WARS1: variants seen among roughly 807,000 people sequenced by gnomAD.
WARS1 encodes the protein tryptophan--tRNA ligase, cytoplasmic.
A neutral mutation model predicts 47.8 loss-of-function variants in WARS1; 17 were observed. The ratio of observed to expected loss-of-function variants is 0.36; its 90% CI spans 0.24 to 0.53. WARS1 has a LOEUF of 0.53. Ranked by LOEUF, WARS1 falls within the 20% of genes least tolerant of loss-of-function variation. WARS1 has a pLI of 0.91. For synonymous variants in WARS1, 208 were observed against 228.1 expected (o/e 0.91, Z 0.79); for missense variants, 434 against 608.0 (o/e 0.71, Z 3.01).
chr14:100,353,922 CG>C, intron 5 of WARS1, 53 bp from the exon 6 acceptor site: 1 of 1,521,430 alleles, frequency 6.6e-7, no homozygotes, highest in South Asian at 1.2e-5. Context: ...TGTGGAGGAA[CG>C]CCATCGTGCA....
chr14:100,368,987 C>T, intron 2 of WARS1, 100 bp downstream of exon 2: 2 of 798,462 alleles, frequency 2.5e-6, no homozygotes, highest in Non-Finnish European at 3.5e-6. Context: ...ATAACCAAAA[C>T]ACCTCAGTCA....
chr14:100,363,967 A>AT (rs1438084322), intron 2 of WARS1, among the ~76,000 whole-genome samples: 2 of 152,122 alleles, frequency 1.3e-5, no homozygotes, highest in African/African-American at 4.8e-5. Context: ...ACAAGACTGT[A>AT]TTACATACAG....
intron 2 of WARS1, chr14:100,366,062 T>A (rs1258323229): frequency 3.9e-5 from 18 of 456,036 alleles, no homozygotes; most frequent in Admixed American, 2.6e-4. Flanking sequence ...AGTGTCACAG[T>A]TTCCCCTCCA....
chr14:100,375,348 G>C (rs1318611864), upstream of WARS1: 1 of 152,190 alleles, frequency 6.6e-6, no homozygotes, highest in Non-Finnish European at 1.5e-5. Flanking sequence ...TGCTGAGAGT[G>C]CCCTGCCCAG....
At chr14:100,365,124 TACACACACAC>T (rs59205319) in intron 2 of WARS1, among the ~76,000 whole-genome samples, 85 of 137,838 alleles carry the variant, frequency 6.2e-4, no homozygotes, top group African/African-American at 2.0e-3. Flanking sequence ...TCTCAAAAAA[TACACACACAC>T]ACACACACAC....
intron 2 of WARS1, chr14:100,366,159 G>A (rs1293300421): frequency 2.2e-6 from 1 of 453,280 alleles, no homozygotes; most frequent in African/African-American, 2.0e-5. Context: ...GCAGCACACA[G>A]AGAATAGGGA....
intron 4 of WARS1, among the ~76,000 whole-genome samples, chr14:100,357,708 G>A (rs984680872): frequency 2.6e-5 from 4 of 152,098 alleles, no homozygotes; most frequent in Admixed American, 1.3e-4. Flanking sequence ...TGATCCACCC[G>A]CCTCGGCCTC....
intron 4 of WARS1, among the ~76,000 whole-genome samples, chr14:100,358,195 C>T (rs1027044228): frequency 9.5e-4 from 144 of 152,174 alleles, no homozygotes; most frequent in Non-Finnish European, 1.7e-3. Flanking sequence ...TGCAGTGGCG[C>T]GATCTCGGCT....
chr14:100,369,780 C>T (rs1346905109), intron 1 of WARS1, among the ~76,000 whole-genome samples: 2 of 151,500 alleles, frequency 1.3e-5, no homozygotes, highest in Non-Finnish European at 2.9e-5. Context: ...GGGGTTCAAG[C>T]GATTCTTCTG....
chr14:100,372,541 G>C (rs1270531421), intron 1 of WARS1, among the ~76,000 whole-genome samples: 1 of 152,134 alleles, frequency 6.6e-6, no homozygotes, highest in Non-Finnish European at 1.5e-5. Flanking sequence ...CCTCTGCCTA[G>C]GGCTAGAGAG....
In WARS1 at chr14:100,342,391, T is replaced by G. The variant is rs1044051779; in HGVS notation, c.1113+7A>C. 4 of 1,613,528 alleles carry G rather than the reference T, an allele frequency of 2.5e-6. No homozygotes were observed. In the African/African-American group the frequency reaches 5.3e-5, roughly 22 times the overall value. On this transcript the variant is annotated splice_region_variant and intron_variant, in intron 9 of 10. Transcript: ENST00000392882. ...GCTGGCTGCCCTCTGCCTGGGCCAC[T>G]GCTCACCTTGGTTTTGATCTGCTTG...
Position 100,353,898 on chromosome 14 carries a change from C to T in WARS1, c.543-29G>A, listed in dbSNP as rs759183804. On this transcript the variant is annotated intron_variant, in intron 5 of 10. Coordinates refer to ENST00000392882, the MANE Select transcript of WARS1 (RefSeq NM_004184.4). Reference sequence around the variant, plus strand: ...AAGAAACACAGGGGGAGAAAGCTGACGTCTCATCTCCCCTGTGGAGGAACG... The same window carrying T: ...AAGAAACACAGGGGGAGAAAGCTGATGTCTCATCTCCCCTGTGGAGGAACG... 28 of 1,603,410 alleles carry T rather than the reference C, an allele frequency of 1.7e-5. 1 individual carries two copies. Among genetic ancestry groups the T allele is most frequent in the South Asian group, 1.5e-4 (14 of 90,478 alleles).
intron 9 of WARS1, among the ~76,000 whole-genome samples, chr14:100,339,120 CACAT>C (rs755457468): frequency 0.013 from 479 of 36,052 alleles, 4 homozygotes; most frequent in African/African-American, 0.021. Flanking sequence ...CACACACACA[CACAT>C]ACACACACAC....
chr14:100,337,295 T>A, intron 9 of WARS1, 93 bp from the exon 10 acceptor site: 9 of 1,552,404 alleles, frequency 5.8e-6, no homozygotes, highest in Non-Finnish European at 7.9e-6. Context: ...GTCAGAGGTG[T>A]GAGTGCTGTC....
At chr14:100,345,777 A>G (rs1433929916) in intron 7 of WARS1, among the ~76,000 whole-genome samples, 1 of 152,208 alleles carries the variant, frequency 6.6e-6, no homozygotes. Context: ...ATTTGCTTAG[A>G]CCTGCAGAAG....
At chr14:100,336,060 G>C (rs889766094) in intron 10 of WARS1, among the ~76,000 whole-genome samples, 2 of 151,856 alleles carry the variant, frequency 1.3e-5, no homozygotes, top group Non-Finnish European at 2.9e-5. Context: ...TGGATCACGA[G>C]GTCGGGAGGT....
intron 4 of WARS1, among the ~76,000 whole-genome samples, chr14:100,357,948 A>C (rs1186109400): frequency 6.6e-6 from 1 of 152,252 alleles, no homozygotes; most frequent in East Asian, 1.9e-4. Flanking sequence ...TCCCATGTTC[A>C]TGGATTAGAT....
At chr14:100,358,921 C>T (rs1895492378) in intron 4 of WARS1, among the ~76,000 whole-genome samples, 1 of 152,202 alleles carries the variant, frequency 6.6e-6, no homozygotes, top group African/African-American at 2.4e-5. Flanking sequence ...AAAAGATTCT[C>T]AACATCCTTG....
At chr14:100,364,966 T>C (rs1205135066) in intron 2 of WARS1, among the ~76,000 whole-genome samples, 2 of 152,160 alleles carry the variant, frequency 1.3e-5, no homozygotes, top group Non-Finnish European at 2.9e-5. Flanking sequence ...TCAGTACTAT[T>C]TATTTCATTT....
Sources: allele counts gnomAD v4.1 joint callset (sites outside exome capture counted in the v4.1 genomes callset), GRCh38; gene constraint gnomAD v4.1.1; transcripts MANE v1.5; gene names NCBI Gene and HGNC (gene_info 2026-07-23, HGNC 2026-07-21).